Variants in ATG13 observed in about 807,000 individuals in gnomAD.
The protein encoded by ATG13 is autophagy related 13.
A neutral mutation model predicts 65.5 loss-of-function variants in ATG13; 23 were observed. That is an observed-to-expected ratio of 0.35 (90% confidence interval 0.25 to 0.50). The LOEUF (loss-of-function observed/expected upper bound fraction) is 0.50. Among genes scored for constraint, ATG13 ranks in the 20% least tolerant of loss-of-function variants. The pLI is 0.98. For synonymous variants in ATG13, 252 were observed against 245.2 expected, an observed-to-expected ratio of 1.03 and a Z score of -0.26; for missense variants, 566 against 677.0, an observed-to-expected ratio of 0.84 and a Z score of 1.82.
intron 10 of ATG13, among the ~76,000 whole-genome samples, chr11:46,658,181 G>C (rs1004063658): frequency 6.6e-6 from 1 of 152,180 alleles, no homozygotes; most frequent in Admixed American, 6.5e-5. Flanking sequence ...TTACCATCTG[G>C]CACATTAGTT....
chr11:46,643,215 T>C (rs1169481167), intron 2 of ATG13, among the ~76,000 whole-genome samples: 2 of 152,180 alleles, frequency 1.3e-5, no homozygotes, highest in South Asian at 2.1e-4. Flanking sequence ...GGTTGGGGGT[T>C]GGCGGTTCTT....
intron 7 of ATG13, among the ~76,000 whole-genome samples, chr11:46,654,944 C>G (rs1305665691): frequency 6.6e-6 from 1 of 151,278 alleles, no homozygotes; most frequent in Non-Finnish European, 1.5e-5. Flanking sequence ...ACCAAAAATA[C>G]AAAAATTAGC....
At chr11:46,628,637 A>G (rs573982210) in intron 1 of ATG13, among the ~76,000 whole-genome samples, 3 of 152,324 alleles carry the variant, frequency 2.0e-5, no homozygotes, top group African/African-American at 7.2e-5. Context: ...CATTTTTAGA[A>G]TAAATCAAGG....
In ATG13 at chr11:46,617,707, G is replaced by T. The variant is rs1263439176; in HGVS notation, c.-253G>T. ...GGTGCGACAACTCGCGGAGTCTTAG[G>T]AGCAAAACGTCTGGGGCCTGCGAGC... On this transcript the variant is annotated 5_prime_UTR_variant, in exon 1 of 19. Coordinates refer to ENST00000683050, the MANE Select transcript of ATG13 (RefSeq NM_001346311.2). 5.0e-6 allele frequency: 2 copies of T among 397,306 alleles called. No homozygotes were observed. The highest frequency in any genetic ancestry group is 8.9e-6 in the Non-Finnish European group (2 of 225,606). The allele number at this position is 397,306 out of a possible 1,614,324, so 24.6% of individuals were successfully genotyped here.
intron 18 of ATG13, among the ~76,000 whole-genome samples, chr11:46,670,983 A>C (rs2134332872): frequency 6.6e-6 from 1 of 152,298 alleles, no homozygotes; most frequent in South Asian, 2.1e-4. Flanking sequence ...ACCCAGGCAA[A>C]ACAAAGCTTT....
intron 2 of ATG13, among the ~76,000 whole-genome samples, chr11:46,639,000 T>TTTA (rs1565474519): frequency 1.1e-4 from 17 of 151,282 alleles, no homozygotes; most frequent in African/African-American, 2.7e-4. Context: ...TTATTTATTT[T>TTTA]TTTTTGAGAA....
Position 46,617,750 on chromosome 11 carries a change from C to G in ATG13, c.-210C>G, listed in dbSNP as rs1007646511. ...CTGCGAGCCAGGACCCTTCTGAAGC[C>G]TTAGGTGTCTATCGGCGACGTGTAC... is the stretch of plus-strand genomic sequence containing the variant. On this transcript the variant is annotated 5_prime_UTR_variant, in exon 1 of 19. Transcript: ENST00000683050. The G allele has an allele frequency of 1.8e-5, 7 of 398,710 alleles. No individual in the cohort carries two copies. The highest frequency in any genetic ancestry group is 2.7e-5 in the Non-Finnish European group (6 of 226,054). 24.7% of individuals were successfully genotyped at this position (398,710 alleles called of 1,614,324 possible). A position where few individuals can be genotyped will look rare whatever the true frequency, so the allele number is the denominator to read the frequency against.
At position 46,622,104 on chromosome 11, in the gene ATG13, TA is replaced by T. The variant is rs1565398046; in HGVS notation, c.-70+4215del. Among the ~76,000 whole-genome samples the T allele has an allele frequency of 6.8e-3, 822 of 120,240 alleles. 33 individuals carry two copies. The highest frequency in any genetic ancestry group is 0.024 in the African/African-American group (791 of 32,310). 78.9% of individuals were successfully genotyped at this position (120,240 alleles called of 152,430 possible). Reference sequence around the variant, plus strand: ...ATATATATATATATATATATATATATATATATATATATATATATATATATTT... The same window carrying T: ...ATATATATATATATATATATATATATTATATATATATATATATATATATTT... On this transcript the variant is annotated intron_variant, in intron 1 of 18. Transcript: ENST00000683050.
At chr11:46,644,105 A>T (rs1162582578) in intron 2 of ATG13, among the ~76,000 whole-genome samples, 174 bp from the exon 3 acceptor site, 2 of 152,184 alleles carry the variant, frequency 1.3e-5, no homozygotes, top group Non-Finnish European at 2.9e-5. Context: ...GTTTTCCTCA[A>T]GAGATAGTAT....
chr11:46,651,884 T>G (rs1424329056), intron 7 of ATG13, among the ~76,000 whole-genome samples: 2 of 152,198 alleles, frequency 1.3e-5, no homozygotes, highest in Admixed American at 1.3e-4. Context: ...AATCATCGGC[T>G]TAGTTACCTA....
chr11:46,626,825 T>A (rs1490215372), intron 1 of ATG13, among the ~76,000 whole-genome samples: 1 of 152,212 alleles, frequency 6.6e-6, no homozygotes, highest in African/African-American at 2.4e-5. Context: ...AAAGAAGTAT[T>A]TTCCCCATCT....
chr11:46,635,058 AG>A (rs1254068182), intron 2 of ATG13, among the ~76,000 whole-genome samples: 2 of 149,292 alleles, frequency 1.3e-5, no homozygotes, highest in Non-Finnish European at 3.0e-5. Flanking sequence ...CCTAGTCTGG[AG>A]TGCAAGGGTG....
intron 14 of ATG13, among the ~76,000 whole-genome samples, chr11:46,665,797 CTTTTTTTTTTTTTTTTT>C (rs1159523560): frequency 1.1e-5 from 1 of 87,776 alleles, no homozygotes; most frequent in Non-Finnish European, 2.1e-5. Flanking sequence ...TTTATTTTTC[CTTTTTTTTTTTTTTTTT>C]TTTTTTTGGA....
At chr11:46,636,873 G>A (rs1591658851) in intron 2 of ATG13, among the ~76,000 whole-genome samples, 3 of 152,060 alleles carry the variant, frequency 2.0e-5, no homozygotes, top group South Asian at 4.1e-4. Flanking sequence ...GACTACAGGC[G>A]CACACCAACA....
chr11:46,667,118 A>G (rs1433715804), intron 14 of ATG13, among the ~76,000 whole-genome samples: 1 of 152,190 alleles, frequency 6.6e-6, no homozygotes, highest in Non-Finnish European at 1.5e-5. Flanking sequence ...TGGAGGTCAT[A>G]AGAGCTCAAA....
At chr11:46,649,061 A>G (rs978549203) in intron 5 of ATG13, 76 bp from the exon 6 acceptor site, 8 of 1,310,088 alleles carry the variant, frequency 6.1e-6, no homozygotes, top group East Asian at 5.1e-5. Context: ...ATACCTTTTA[A>G]TATTTTTATA....
In ATG13 at chr11:46,672,858, CCTCTTCTT is replaced by C; in HGVS notation, c.*531_*538del. On this transcript the variant is annotated 3_prime_UTR_variant, in exon 19 of 19. Coordinates refer to ENST00000683050, the MANE Select transcript of ATG13 (RefSeq NM_001346311.2). Reference sequence around the variant, plus strand: ...CCTTTACTTCCTGCTATCTTCTTCTCCTCTTCTTCTCTCTCTTGCCTCTATGCCTGTAT... The same window carrying C: ...CCTTTACTTCCTGCTATCTTCTTCTCCTCTCTCTTGCCTCTATGCCTGTAT... The C allele has an allele frequency of 1.7e-6, 2 of 1,159,098 alleles. No individual in the cohort carries two copies. The highest frequency in any genetic ancestry group is 2.2e-6 in the Non-Finnish European group (2 of 900,316). 71.8% of individuals were successfully genotyped at this position (1,159,098 alleles called of 1,614,324 possible).
At chr11:46,672,045 G>A (rs374367131) in intron 18 of ATG13, among the ~76,000 whole-genome samples, 1 of 152,180 alleles carries the variant, frequency 6.6e-6, no homozygotes, top group Non-Finnish European at 1.5e-5. Context: ...TCCCAAGGCC[G>A]TTCCATTAAT....
At chr11:46,654,396 C>A (rs2059602032) in intron 7 of ATG13, among the ~76,000 whole-genome samples, 2 of 148,274 alleles carry the variant, frequency 1.3e-5, no homozygotes, top group African/African-American at 5.0e-5. Flanking sequence ...CCTGTGATCC[C>A]AGCACTTTGG....
Sources: allele counts gnomAD v4.1 joint callset (sites outside exome capture counted in the v4.1 genomes callset), GRCh38; gene constraint gnomAD v4.1.1; transcripts MANE v1.5; gene names NCBI Gene and HGNC (gene_info 2026-07-23, HGNC 2026-07-21).